DOCK9: variants seen among roughly 807,000 people sequenced by gnomAD.
The protein encoded by DOCK9 is dedicator of cytokinesis protein 9.
A neutral mutation model predicts 263.3 loss-of-function variants in DOCK9; 89 were observed. The ratio of observed to expected loss-of-function variants is 0.34; its 90% CI spans 0.28 to 0.40. The LOEUF (loss-of-function observed/expected upper bound fraction) is 0.40. Ranked by LOEUF, DOCK9 falls within the 10% of genes least tolerant of loss-of-function variation. DOCK9 has a pLI of 1.00. For synonymous variants in DOCK9, 976 were observed against 973.1 expected, an observed-to-expected ratio of 1.00 and a Z score of -0.06; for missense variants, 2,140 against 2,603.4, an observed-to-expected ratio of 0.82 and a Z score of 3.87.
At chr13:98,951,728 A>T (rs2140905301) in intron 2 of DOCK9, among the ~76,000 whole-genome samples, 1 of 152,300 alleles carries the variant, frequency 6.6e-6, no homozygotes, top group Middle Eastern at 3.4e-3. Flanking sequence ...TCTAGAAGAG[A>T]AGATGCTGCT....
At chr13:99,003,877 C>A (rs1193061938) in intron 1 of DOCK9, among the ~76,000 whole-genome samples, 1 of 152,162 alleles carries the variant, frequency 6.6e-6, no homozygotes, top group Non-Finnish European at 1.5e-5. Context: ...TTCTTTAAAA[C>A]CTTCACTAAA....
At chr13:98,798,442 G>A (rs1293732831) in intron 50 of DOCK9, among the ~76,000 whole-genome samples, 1 of 152,192 alleles carries the variant, frequency 6.6e-6, no homozygotes, top group Non-Finnish European at 1.5e-5. Flanking sequence ...CTGAGCCGGG[G>A]GCAATGGGTG....
intron 1 of DOCK9, among the ~76,000 whole-genome samples, chr13:99,048,870 G>A (rs550952218): frequency 2.0e-5 from 3 of 152,252 alleles, no homozygotes; most frequent in East Asian, 1.9e-4. Context: ...TCAAATCCCT[G>A]ACATTAAGCT....
intron 37 of DOCK9, chr13:98,846,539 G>A: frequency 7.4e-7 from 1 of 1,351,964 alleles, no homozygotes; most frequent in Non-Finnish European, 9.8e-7. Flanking sequence ...AAGGAGAAGA[G>A]CCACACACTT....
At chr13:99,038,034 T>C (rs1888070257) in intron 1 of DOCK9, among the ~76,000 whole-genome samples, 1 of 152,218 alleles carries the variant, frequency 6.6e-6, no homozygotes, top group African/African-American at 2.4e-5. Flanking sequence ...GTTTTACAGA[T>C]GTGTATATAG....
intron 7 of DOCK9, among the ~76,000 whole-genome samples, chr13:98,916,925 A>G (rs2050978556): frequency 1.3e-5 from 2 of 152,220 alleles, no homozygotes; most frequent in Admixed American, 1.3e-4. Flanking sequence ...AGCACCAGTC[A>G]ACTAATTTTT....
At chr13:98,868,199 TA>T (rs769420936) in intron 28 of DOCK9, 31 bp downstream of exon 28, 21 of 1,612,122 alleles carry the variant, frequency 1.3e-5, no homozygotes, top group Non-Finnish European at 1.8e-5. Context: ...CTTTGTCCCA[TA>T]ACTGATATCC....
chr13:99,055,820 T>A (rs2040892692), intron 1 of DOCK9, among the ~76,000 whole-genome samples: 1 of 151,558 alleles, frequency 6.6e-6, no homozygotes, highest in African/African-American at 2.4e-5. Flanking sequence ...AGATACAGGC[T>A]AAGACAGCTT....
intron 1 of DOCK9, among the ~76,000 whole-genome samples, chr13:99,031,369 G>T (rs1413211101): frequency 2.0e-5 from 3 of 152,190 alleles, no homozygotes; most frequent in African/African-American, 4.8e-5. Flanking sequence ...CACCCAGCTG[G>T]TATCTGAAAT....
intron 1 of DOCK9, among the ~76,000 whole-genome samples, chr13:98,993,697 C>A (rs1267699208): frequency 6.6e-6 from 1 of 152,076 alleles, no homozygotes; most frequent in Admixed American, 6.6e-5. Flanking sequence ...GCTGAGATTG[C>A]GTCACTGCAC....
chr13:98,850,053 A>G lies in DOCK9; in HGVS notation c.4007T>C (p.Ile1336Thr), dbSNP rs781719347. The G allele has an allele frequency of 1.9e-6, 3 of 1,566,798 alleles. No homozygotes were observed. Among genetic ancestry groups the G allele is most frequent in the Non-Finnish European group, 2.6e-6 (3 of 1,156,504 alleles). Residue 1336 changes from isoleucine to threonine, a missense_variant, in exon 36 of 53, where the codon ATA becomes ACA. By Grantham distance (89) the Ile-to-Thr change is moderately conservative. Around this residue, in one of 2 missense-constraint regions of DOCK9, gnomAD observed 1,521 missense variants for 1,741.7 expected, o/e 0.87. Coordinates refer to ENST00000682017, the MANE Select transcript of DOCK9 (RefSeq NM_001366683.2). ...STSELMDFFTISEVCLHQFQY... is the reference protein window; with the variant it reads ...STSELMDFFTTSEVCLHQFQY... ...CAAAGAGAAAGCTACTTACTCAGAT[A>G]TTGTAAAAAAATCCATAAGTTCAGA...
chr13:98,848,539 G>C, intron 37 of DOCK9, 53 bp downstream of exon 37: 1 of 1,574,778 alleles, frequency 6.4e-7, no homozygotes, highest in South Asian at 1.2e-5. Context: ...CACACAATCA[G>C]AGCCAGGCAT....
chr13:98,870,387 G>A (rs2094154050), intron 27 of DOCK9, among the ~76,000 whole-genome samples: 1 of 152,188 alleles, frequency 6.6e-6, no homozygotes, highest in Admixed American at 6.5e-5. Flanking sequence ...TTGCATATGT[G>A]CCACCAATAA....
intron 35 of DOCK9, 131 bp from the exon 36 acceptor site, chr13:98,850,244 T>C: frequency 1.7e-6 from 1 of 576,136 alleles, no homozygotes; most frequent in Non-Finnish European, 3.0e-6. Context: ...TCTAAACCCT[T>C]CCCCTGCCCT....
intron 1 of DOCK9, among the ~76,000 whole-genome samples, chr13:99,076,975 G>T (rs1057336256): frequency 1.3e-5 from 2 of 151,958 alleles, no homozygotes; most frequent in Non-Finnish European, 2.9e-5. Flanking sequence ...AGAGAGAGTG[G>T]CCTGGCAACT....
At chr13:98,887,471 C>T (rs2045943714) in intron 18 of DOCK9, among the ~76,000 whole-genome samples, 1 of 150,924 alleles carries the variant, frequency 6.6e-6, no homozygotes, top group African/African-American at 2.4e-5. Flanking sequence ...AAAAAATTAG[C>T]GGGGTGTGGT....
At chr13:99,068,961 A>G (rs971894791) in intron 1 of DOCK9, among the ~76,000 whole-genome samples, 1 of 152,364 alleles carries the variant, frequency 6.6e-6, no homozygotes, top group Non-Finnish European at 1.5e-5. Context: ...GACAGATTAA[A>G]TAAGTCCTCT....
chr13:98,992,659 TA>T (rs1029257148), intron 1 of DOCK9, among the ~76,000 whole-genome samples: 18 of 152,200 alleles, frequency 1.2e-4, no homozygotes, highest in Non-Finnish European at 4.4e-5. Flanking sequence ...TGCCGCCACA[TA>T]AGATGTGCCT....
rs574653755 is a variant in DOCK9 at position 98,871,908 on chromosome 13, G to A, written c.2944-3531C>T. ...TGCGAGCCACACTTATGTGCTGCCCGCTGGCTGCTCAGCGCCTACCAACTG... is the reference window on the plus strand; with the variant it reads ...TGCGAGCCACACTTATGTGCTGCCCACTGGCTGCTCAGCGCCTACCAACTG... On this transcript the variant is annotated intron_variant, in intron 27 of 52. Coordinates refer to ENST00000682017, the MANE Select transcript of DOCK9 (RefSeq NM_001366683.2). The A allele has an allele frequency of 1.2e-3, 189 of 153,246 alleles. 1 individual carries two copies. The highest frequency in any genetic ancestry group is 2.0e-3 in the Non-Finnish European group (134 of 68,232). 9.5% of individuals were successfully genotyped at this position (153,246 alleles called of 1,614,324 possible).
Sources: gnomAD v4.1 joint callset for allele counts (sites outside exome capture counted in the v4.1 genomes callset) on GRCh38, gnomAD v4.1.1 for gene constraint, gnomAD v4.1.1 regional missense constraint, MANE v1.5 for transcripts, NCBI Gene and HGNC (gene_info 2026-07-23, HGNC 2026-07-21) for gene names.